RHBDF2: variants seen among roughly 807,000 people sequenced by gnomAD.
RHBDF2 encodes rhomboid 5 homolog 2.
Under a neutral mutation model 95.2 loss-of-function variants are expected in RHBDF2, and 38 were observed. That is an observed-to-expected ratio of 0.40 (90% CI 0.31 to 0.52). RHBDF2 has a LOEUF of 0.52. Among genes scored for constraint, RHBDF2 ranks in the 20% least tolerant of loss-of-function variants. The probability of loss-of-function intolerance (pLI) is 0.56; values close to 1 mark genes in which losing one functional copy is unlikely to be tolerated. For missense variants in RHBDF2, 863 were observed against 1,137.7 expected, an observed-to-expected ratio of 0.76 and a Z score of 3.47; for synonymous variants, 442 against 462.0, an observed-to-expected ratio of 0.96 and a Z score of 0.55.
chr17:76,482,189 C>A (rs954226059), intron 2 of RHBDF2, among the ~76,000 whole-genome samples: 1 of 151,884 alleles, frequency 6.6e-6, no homozygotes, highest in Admixed American at 6.6e-5. Flanking sequence ...AGAACCAAAC[C>A]CTGAAAAGAG....
intron 11 of RHBDF2, 74 bp downstream of exon 11, chr17:76,474,656 C>A (rs758858553): frequency 1.4e-5 from 22 of 1,612,820 alleles, no homozygotes; most frequent in Non-Finnish European, 1.9e-5. Flanking sequence ...GGTGAGGAGC[C>A]CACCTGCCCA....
intron 1 of RHBDF2, among the ~76,000 whole-genome samples, chr17:76,493,760 G>A (rs960320298): frequency 6.6e-6 from 1 of 152,200 alleles, no homozygotes; most frequent in Non-Finnish European, 1.5e-5. Flanking sequence ...GCCGGTACAC[G>A]CTTCAGCCCA....
Position 76,481,496 on chromosome 17 carries a change from C to T in RHBDF2, c.29G>A (p.Ser10Asn), listed in dbSNP as rs574978777. 6 of 1,605,234 alleles carry T rather than the reference C, an allele frequency of 3.7e-6. No homozygotes were observed. The South Asian group carries it at 5.5e-5, about 15-fold the overall frequency. The change falls in exon 3 of 19, where the codon AGC becomes AAC. Residue 10 changes from serine (S) to asparagine (N), a missense_variant. Physicochemically the swap from Ser to Asn is conservative, Grantham distance 46. Transcript: ENST00000675367. MASADKNGGSVSSVSSSRLQ... is the reference protein window; with the variant it reads MASADKNGGNVSSVSSSRLQ... ...GCGGCTGCTGGACACAGAGGACACG[C>T]TCCCGCCATTCTTGTCAGCAGAGGC...
chr17:76,474,324 A>C, intron 12 of RHBDF2, 49 bp downstream of exon 12: 3 of 1,590,460 alleles, frequency 1.9e-6, no homozygotes, highest in Non-Finnish European at 2.6e-6. Flanking sequence ...AAGTGGAGCT[A>C]GTCCGGGACC....
rs556751845 is a variant in RHBDF2, at chr17:76,490,008, C to A, written c.-219-2099G>T. 5.8e-4 allele frequency among the ~76,000 whole-genome samples: 89 copies of A among 152,344 alleles called. 1 individual carries two copies. The highest frequency in any genetic ancestry group is 6.8e-3 in the Middle Eastern group (2 of 294). Reference sequence around the variant, plus strand: ...ACTTGGTCCAGCATTCCAGCGCTTTCCAAACCAAGCTCCTCAGAGGCCTGG... The same window carrying A: ...ACTTGGTCCAGCATTCCAGCGCTTTACAAACCAAGCTCCTCAGAGGCCTGG... On this transcript the variant is annotated intron_variant, in intron 1 of 18. Transcript: ENST00000675367.
In RHBDF2 at chr17:76,471,855, CAGCAGCAGG is replaced by C; in HGVS notation, c.2253_2261del (p.Leu752_Leu754del). 6.3e-7 allele frequency: 1 copy of C among 1,590,660 alleles called. No individual in the cohort carries two copies. Among genetic ancestry groups the C allele is most frequent in the Non-Finnish European group, 8.6e-7 (1 of 1,168,570 alleles). The stretch of plus-strand genomic sequence containing the variant: ...TGATGTAGGGCAGGAAGGCGAAGGC[CAGCAGCAGG>C]CCACTGAGGAAGCCGAAGATGTGGG... On this transcript the variant is annotated inframe_deletion, in exon 19 of 19. Transcript: ENST00000675367.
At chr17:76,475,403 G>A (rs1014529709) in intron 9 of RHBDF2, among the ~76,000 whole-genome samples, 3 of 152,072 alleles carry the variant, frequency 2.0e-5, no homozygotes, top group South Asian at 2.1e-4. Flanking sequence ...TTGCCTGACC[G>A]ACCACCTCTC....
chr17:76,499,595 G>A (rs1193566109), intron 1 of RHBDF2, among the ~76,000 whole-genome samples: 3 of 152,140 alleles, frequency 2.0e-5, no homozygotes, highest in East Asian at 1.9e-4. Context: ...TTTATTGCAG[G>A]ACAAAAGCAG....
intron 4 of RHBDF2, 32 bp from the exon 5 acceptor site, chr17:76,479,309 A>G: frequency 6.4e-7 from 1 of 1,561,934 alleles, no homozygotes; most frequent in Non-Finnish European, 8.6e-7. Context: ...AGGTGGGCAT[A>G]CGCTTGTCTA....
chr17:76,479,456 G>C (rs563075752), intron 4 of RHBDF2, 179 bp from the exon 5 acceptor site: 21 of 952,142 alleles, frequency 2.2e-5, no homozygotes, highest in Non-Finnish European at 3.3e-5. Context: ...AGGGGATGAC[G>C]GGAGCGTGAG....
rs140252289 is a variant in RHBDF2 at position 76,477,696 on chromosome 17, G to C, written c.762C>G (p.Val254=). 19 of 1,613,900 alleles carry C rather than the reference G, an allele frequency of 1.2e-5. No homozygotes were observed. The highest frequency in any genetic ancestry group is 1.5e-5 in the Non-Finnish European group (18 of 1,179,998). The change falls in exon 7 of 19, where the codon GTC becomes GTG. Residue 254 remains valine, a synonymous_variant. Transcript: ENST00000675367. ...AFPSFLEEDV[V]DGADTFDSSF... is the part of the protein sequence containing the mutation. ...AGGAGTCAAACGTGTCTGCCCCATC[G>C]ACCACATCCTCCTCCAGGAAGCTCG...
chr17:76,481,552 T>A lies in RHBDF2; in HGVS notation c.-21-7A>T. 6.3e-7 allele frequency: 1 copy of A among 1,599,464 alleles called. No homozygotes were observed. Among genetic ancestry groups the A allele is most frequent in the East Asian group, 2.2e-5 (1 of 44,766 alleles). On this transcript the variant is annotated splice_region_variant and splice_polypyrimidine_tract_variant and intron_variant, in intron 2 of 18. Coordinates refer to ENST00000675367, the MANE Select transcript of RHBDF2 (RefSeq NM_001005498.4). ...TGGGCAGGAGGCGGGAGGGCTGGAATGGAGACCGGGAGAGCAGCGGTGGGC... is the reference window on the plus strand; with the variant it reads ...TGGGCAGGAGGCGGGAGGGCTGGAAAGGAGACCGGGAGAGCAGCGGTGGGC...
In RHBDF2 at chr17:76,485,862, A is replaced by G. The variant is rs140856813; in HGVS notation, c.-22+1850T>C. Among the ~76,000 whole-genome samples the G allele has an allele frequency of 4.1e-3, 621 of 152,302 alleles. 5 individuals are homozygous for G. Among genetic ancestry groups the G allele is most frequent in the South Asian group, 0.024 (114 of 4,828 alleles). ...TTGTGTCCAGGGACAGGAGCCAGTC[A>G]CGATGGCCACCTCTGCATGAGTCCA... On this transcript the variant is annotated intron_variant, in intron 2 of 18. Coordinates refer to ENST00000675367, the MANE Select transcript of RHBDF2 (RefSeq NM_001005498.4).
At chr17:76,475,367 C>A (rs184702377) in intron 9 of RHBDF2, among the ~76,000 whole-genome samples, 1 of 152,338 alleles carries the variant, frequency 6.6e-6, no homozygotes, top group East Asian at 1.9e-4. Flanking sequence ...ATTCCAGAAT[C>A]ACCCCCTCTT....
In RHBDF2 at chr17:76,471,294, G is replaced by A. The variant is rs927468204; in HGVS notation, c.*339C>T. 3.3e-5 allele frequency: 9 copies of A among 276,788 alleles called. No homozygotes were observed. The highest frequency in any genetic ancestry group is 1.3e-4 in the African/African-American group (6 of 45,024). The allele number at this position is 276,788 out of a possible 1,614,324, so 17.1% of individuals were successfully genotyped here. A position where few individuals can be genotyped will look rare whatever the true frequency, so the allele number is the denominator to read the frequency against. On this transcript the variant is annotated 3_prime_UTR_variant, in exon 19 of 19. Transcript: ENST00000675367. ...GGGAGAAGGCACCAGCAGAGGCAGC[G>A]CTGAGGACCTGGGAAGAAAAGGACC...
intron 1 of RHBDF2, among the ~76,000 whole-genome samples, chr17:76,497,430 C>A (rs1208762992): frequency 6.6e-6 from 1 of 152,200 alleles, no homozygotes; most frequent in Non-Finnish European, 1.5e-5. Flanking sequence ...GCACTGAGGT[C>A]CCCCTACCCC....
chr17:76,499,862 GC>G (rs2074532982), intron 1 of RHBDF2, among the ~76,000 whole-genome samples: 1 of 145,266 alleles, frequency 6.9e-6, no homozygotes, highest in African/African-American at 2.5e-5. Context: ...CTGGGAGATT[GC>G]CCTGGGGTTA....
Position 76,471,282 on chromosome 17 carries a change from A to G in RHBDF2, c.*351T>C. The G allele has an allele frequency of 3.9e-6, 1 of 253,358 alleles. No individual in the cohort carries two copies. Among genetic ancestry groups the G allele is most frequent in the Admixed American group, 5.0e-5 (1 of 19,962 alleles). The allele number at this position is 253,358 out of a possible 1,614,324, so 15.7% of individuals were successfully genotyped here. ...CAGTAGTAGTGGGGGAGAAGGCACC[A>G]GCAGAGGCAGCGCTGAGGACCTGGG... On this transcript the variant is annotated 3_prime_UTR_variant, in exon 19 of 19. Transcript: ENST00000675367.
chr17:76,478,643 C>T (rs899544164), intron 6 of RHBDF2, among the ~76,000 whole-genome samples, 163 bp downstream of exon 6: 10 of 152,054 alleles, frequency 6.6e-5, no homozygotes, highest in Admixed American at 2.6e-4. Context: ...TGCTGGGCTT[C>T]GGGGTCCCTC....
Sources: allele counts gnomAD v4.1 joint callset (sites outside exome capture counted in the v4.1 genomes callset), GRCh38; gene constraint gnomAD v4.1.1; transcripts MANE v1.5; gene names NCBI Gene and HGNC (gene_info 2026-07-23, HGNC 2026-07-21).